Variants in AOPEP observed in about 807,000 individuals in gnomAD.
The protein encoded by AOPEP is aminopeptidase O.
In AOPEP, 77 loss-of-function variants were observed where a neutral mutation model predicts 98.1. The ratio of observed to expected loss-of-function variants is 0.78; its 90% CI spans 0.65 to 0.95. AOPEP has a LOEUF of 0.95. AOPEP is among the 40% of genes least tolerant of loss of function. AOPEP has a pLI of 0.00. For synonymous variants in AOPEP, 346 were observed against 365.3 expected, an observed-to-expected ratio of 0.95 and a Z score of 0.60; for missense variants, 1,024 against 1,024.7, an observed-to-expected ratio of 1.00 and a Z score of 0.01.
At chr9:94,772,886 A>G (rs918610345) in intron 2 of AOPEP, 116 bp from the exon 3 acceptor site, 39 of 1,054,026 alleles carry the variant, frequency 3.7e-5, no homozygotes, top group Non-Finnish European at 5.1e-5. Context: ...GTCAACTACA[A>G]AGTTTCAAAT....
chr9:95,129,532 T>G, the AOPEP span, among the ~76,000 whole-genome samples: 1 of 152,350 alleles, frequency 6.6e-6, no homozygotes, highest in Admixed American at 6.5e-5. Flanking sequence ...GAGGTCACGC[T>G]GCAAGCCAGG....
rs200745432 is a variant in AOPEP, at chr9:94,916,795, CT to C, written c.1365-7190del. Among the ~76,000 whole-genome samples the C allele has an allele frequency of 6.7e-3, 1,016 of 152,148 alleles. 10 individuals are homozygous for C. The highest frequency in any genetic ancestry group is 0.023 in the African/African-American group (967 of 41,498). ...TATTGTGTGGGTATGGGTGTGTCCC[CT>C]GACAACCAAAATCTATAGTCTCCAA... On this transcript the variant is annotated intron_variant, in intron 5 of 16. Coordinates refer to ENST00000375315, the MANE Select transcript of AOPEP (RefSeq NM_001193329.3).
chr9:94,803,841 G>A (rs1012509422), intron 5 of AOPEP, among the ~76,000 whole-genome samples: 2 of 152,140 alleles, frequency 1.3e-5, no homozygotes, highest in African/African-American at 2.4e-5. Context: ...CCTTTCAGAT[G>A]CTTTCCTCAG....
chr9:94,857,768 T>A (rs774725575), intron 5 of AOPEP, among the ~76,000 whole-genome samples: 1 of 152,216 alleles, frequency 6.6e-6, no homozygotes, highest in Non-Finnish European at 1.5e-5. Context: ...ATGTGATTAT[T>A]TAGCTATTTT....
chr9:94,763,676 T>C (rs1195747157), intron 2 of AOPEP, among the ~76,000 whole-genome samples: 1 of 152,060 alleles, frequency 6.6e-6, no homozygotes, highest in African/African-American at 2.4e-5. Flanking sequence ...GAGCATCTTG[T>C]AATGTCAGAA....
intron 13 of AOPEP, among the ~76,000 whole-genome samples, chr9:95,024,465 A>T (rs1479675602): frequency 6.6e-6 from 1 of 152,224 alleles, no homozygotes; most frequent in Admixed American, 6.5e-5. Context: ...CTTGAGAGTG[A>T]CCAGGGATCT....
intron 13 of AOPEP, among the ~76,000 whole-genome samples, chr9:95,025,311 C>G (rs138158123): frequency 3.3e-5 from 5 of 152,178 alleles, no homozygotes; most frequent in Non-Finnish European, 7.4e-5. Context: ...CTGGTGTCCC[C>G]CTACTCCTTC....
At chr9:95,081,043 G>A (rs565633839) in intron 15 of AOPEP, 25 of 500,350 alleles carry the variant, frequency 5.0e-5, no homozygotes, top group Admixed American at 4.1e-4. Context: ...CACACTTCAC[G>A]GCATCTCCAG....
At position 94,928,486 on chromosome 9, in the gene AOPEP, T is replaced by C; in HGVS notation, c.1616T>C (p.Leu539Pro). Residue 539 changes from leucine to proline, a missense_variant, in exon 7 of 17, where the codon CTC becomes CCC. Coordinates refer to ENST00000375315, the MANE Select transcript of AOPEP (RefSeq NM_001193329.3). ...AGGGCTTGTCTGCGCTGGCGTCGCCTCCAGGACGAGATGCAATGCTCCCCC... is the reference window on the plus strand; with the variant it reads ...AGGGCTTGTCTGCGCTGGCGTCGCCCCCAGGACGAGATGCAATGCTCCCCC... The part of the protein sequence containing the change: ...ELRACLRWRR[L>P]QDEMQCSPEE... The C allele has an allele frequency of 6.4e-7, 1 of 1,550,626 alleles. No homozygotes were observed. The highest frequency in any genetic ancestry group is 8.7e-7 in the Non-Finnish European group (1 of 1,147,032).
intron 16 of AOPEP, chr9:95,085,936 C>A: frequency 2.3e-6 from 3 of 1,302,954 alleles, no homozygotes; most frequent in East Asian, 4.9e-5. Context: ...GCAGTCCAGG[C>A]CTTCGCGTCT....
At chr9:94,928,818 C>A in intron 7 of AOPEP, 1 of 334,544 alleles carries the variant, frequency 3.0e-6, no homozygotes, top group South Asian at 4.2e-5. Flanking sequence ...GTGGTGGCTG[C>A]GGATGTGGCG....
chr9:95,012,993 G>GT (rs1554803936), intron 13 of AOPEP, among the ~76,000 whole-genome samples: 3 of 135,452 alleles, frequency 2.2e-5, no homozygotes, highest in African/African-American at 5.6e-5. Context: ...TTTTTGGGGG[G>GT]GGGGGCAGGG....
At chr9:95,135,501 T>C in the AOPEP span, 1 of 1,613,808 alleles carries the variant, frequency 6.2e-7, no homozygotes, top group African/African-American at 1.3e-5. Context: ...GAAATCTTCT[T>C]CCTTTCAGAA....
rs373119541 is a variant in AOPEP, at chr9:94,841,260, C to G, written c.1364+40258C>G. ...GATCTCAGCTTACTGCAGGCTCCCC[C>G]TCCTGCGTTCAAGTAACTCTCCTGC... is the stretch of plus-strand genomic sequence containing the variant. On this transcript the variant is annotated intron_variant, in intron 5 of 16. Coordinates refer to ENST00000375315, the MANE Select transcript of AOPEP (RefSeq NM_001193329.3). Among the ~76,000 whole-genome samples the G allele has an allele frequency of 2.8e-4, 42 of 152,138 alleles. No homozygotes were observed. In the East Asian group the frequency reaches 6.9e-3, roughly 25 times the overall value.
Position 95,080,913 on chromosome 9 carries a change from G to A in AOPEP, c.2319+133G>A. 4.2e-6 allele frequency: 3 copies of A among 706,250 alleles called. No individual in the cohort carries two copies. In the South Asian group the frequency reaches 5.3e-5, roughly 12 times the overall value. 43.7% of individuals were successfully genotyped at this position (706,250 alleles called of 1,614,324 possible). A position where few individuals can be genotyped will look rare whatever the true frequency, so the allele number is the denominator to read the frequency against. On this transcript the variant is annotated intron_variant, in intron 15 of 16. Coordinates refer to ENST00000375315, the MANE Select transcript of AOPEP (RefSeq NM_001193329.3). ...TACAGAGATTCTTAAGGACTGGTGG[G>A]ATCTTGCCTAACACTGATTTTTCTG...
the AOPEP span, among the ~76,000 whole-genome samples, chr9:95,147,694 T>C: frequency 6.6e-6 from 1 of 152,248 alleles, no homozygotes; most frequent in Non-Finnish European, 1.5e-5. Context: ...TTGTGTCTTA[T>C]GCAACAATAT....
chr9:95,135,446 G>C, the AOPEP span: 2 of 1,614,026 alleles, frequency 1.2e-6, no homozygotes, highest in East Asian at 2.2e-5. Context: ...TTCAAGGCTG[G>C]GAAGGTGCCG....
chr9:94,897,914 A>G (rs1281020237), intron 5 of AOPEP, among the ~76,000 whole-genome samples: 1 of 148,700 alleles, frequency 6.7e-6, no homozygotes, highest in African/African-American at 2.5e-5. Context: ...ATCTCGGCTC[A>G]CTGCAACCTC....
intron 5 of AOPEP, among the ~76,000 whole-genome samples, chr9:94,886,104 T>C (rs2048210862): frequency 6.6e-6 from 1 of 152,146 alleles, no homozygotes; most frequent in African/African-American, 2.4e-5. Context: ...ACCACAAAGC[T>C]TTGTGGACAA....
Sources: allele counts gnomAD v4.1 joint callset (sites outside exome capture counted in the v4.1 genomes callset), GRCh38; gene constraint gnomAD v4.1.1; transcripts MANE v1.5; gene names NCBI Gene and HGNC (gene_info 2026-07-23, HGNC 2026-07-21).